Variants in CD109 observed in about 807,000 individuals in gnomAD.
CD109 encodes CD109 antigen.
CD109 carries 149 observed loss-of-function variants against 165.8 expected under a neutral mutation model. The ratio of observed to expected loss-of-function variants is 0.90; its 90% confidence interval spans 0.79 to 1.03. The LOEUF is 1.03. CD109 is among the 50% of genes least tolerant of loss of function. The pLI is 0.00. For missense variants in CD109, 1,712 were observed against 1,677.8 expected, an observed-to-expected ratio of 1.02 and a Z score of -0.36; for synonymous variants, 585 against 592.1, an observed-to-expected ratio of 0.99 and a Z score of 0.18.
At chr6:73,776,733 T>A (rs1469194238) in intron 15 of CD109, among the ~76,000 whole-genome samples, 1 of 151,510 alleles carries the variant, frequency 6.6e-6, no homozygotes, top group Non-Finnish European at 1.5e-5. Flanking sequence ...GATTTTTGTA[T>A]TTTAATAGAG....
chr6:73,812,341 T>C (rs965356142), intron 29 of CD109, 71 bp downstream of exon 29: 24 of 994,754 alleles, frequency 2.4e-5, no homozygotes, highest in Non-Finnish European at 3.2e-5. Flanking sequence ...TGGGGCTTTA[T>C]TAAATCTTAG....
intron 5 of CD109, among the ~76,000 whole-genome samples, chr6:73,750,483 A>G (rs1773148672): frequency 6.6e-6 from 1 of 152,198 alleles, no homozygotes; most frequent in South Asian, 2.1e-4. Context: ...GGCCTGAGAA[A>G]GGTGACAGGC....
chr6:73,755,504 G>A (rs1198060864), intron 5 of CD109, among the ~76,000 whole-genome samples: 2 of 152,088 alleles, frequency 1.3e-5, no homozygotes, highest in Non-Finnish European at 2.9e-5. Flanking sequence ...ATTAACCAAG[G>A]GTACTTGTTA....
intron 2 of CD109, among the ~76,000 whole-genome samples, chr6:73,720,509 C>T (rs770988805): frequency 9.2e-5 from 14 of 151,970 alleles, no homozygotes; most frequent in Non-Finnish European, 1.9e-4. Flanking sequence ...TTAATTGTTC[C>T]TTTCCACAAG....
chr6:73,763,080 C>G (rs924536739), intron 9 of CD109, among the ~76,000 whole-genome samples, 198 bp downstream of exon 9: 2 of 152,188 alleles, frequency 1.3e-5, no homozygotes, highest in African/African-American at 4.8e-5. Context: ...AAAGTCACTA[C>G]TTCAACCACA....
intron 4 of CD109, among the ~76,000 whole-genome samples, chr6:73,731,609 A>G (rs1772372482): frequency 6.6e-6 from 1 of 152,190 alleles, no homozygotes; most frequent in South Asian, 2.1e-4. Context: ...ACTTATGCTA[A>G]GTGAAGTGAG....
intron 23 of CD109, among the ~76,000 whole-genome samples, chr6:73,798,627 T>C (rs548921394): frequency 1.3e-5 from 2 of 152,262 alleles, no homozygotes; most frequent in African/African-American, 4.8e-5. Flanking sequence ...CTCGGTGTTA[T>C]CTAAGCCTGC....
In CD109 at chr6:73,823,757, C is replaced by T. The variant is rs1308946151; in HGVS notation, c.*124C>T. 1.2e-6 allele frequency: 1 copy of T among 852,544 alleles called. No individual in the cohort carries two copies. The highest frequency in any genetic ancestry group is 1.7e-5 in the African/African-American group (1 of 59,012). 52.8% of individuals were successfully genotyped at this position (852,544 alleles called of 1,614,324 possible). ...AGTTTTTTTTCTTTCTATGGGGTTGCAGGGATGGTGTACAACAGGTCCTAG... is the reference window on the plus strand; with the variant it reads ...AGTTTTTTTTCTTTCTATGGGGTTGTAGGGATGGTGTACAACAGGTCCTAG... On this transcript the variant is annotated 3_prime_UTR_variant, in exon 33 of 33. Transcript: ENST00000287097.
the CD109 span, among the ~76,000 whole-genome samples, chr6:73,681,324 T>TTGTGTGTG: frequency 0.044 from 6,451 of 145,596 alleles, 184 homozygotes; most frequent in South Asian, 0.093. Context: ...CAGTTACCAT[T>TTGTGTGTG]TGTGTGTGTG....
intron 3 of CD109, 38 bp from the exon 4 acceptor site, chr6:73,730,306 T>G: frequency 7.9e-7 from 1 of 1,258,202 alleles, no homozygotes. Flanking sequence ...TGAGGTAAAA[T>G]AATGAGACCT....
chr6:73,742,157 A>G (rs1225993725), intron 5 of CD109, among the ~76,000 whole-genome samples: 1 of 152,032 alleles, frequency 6.6e-6, no homozygotes, highest in East Asian at 1.9e-4. Flanking sequence ...ATCTACACCT[A>G]TTAAACAATA....
Position 73,785,495 on chromosome 6 carries a change from T to A in CD109, c.2337+18T>A, listed in dbSNP as rs1774653769. ...CCACTGAGGTAATGTATTCAAGCTTTTGTTGATCATTTACACTACAGGAGA... is the reference window on the plus strand; with the variant it reads ...CCACTGAGGTAATGTATTCAAGCTTATGTTGATCATTTACACTACAGGAGA... On this transcript the variant is annotated intron_variant, in intron 20 of 32. Transcript: ENST00000287097. 7.4e-7 allele frequency: 1 copy of A among 1,357,064 alleles called. No homozygotes were observed. The highest frequency in any genetic ancestry group is 1.0e-6 in the Non-Finnish European group (1 of 960,324). The allele number at this position is 1,357,064 out of a possible 1,614,324, so 84.1% of individuals were successfully genotyped here.
At chr6:73,732,977 G>T (rs1406314387) in intron 4 of CD109, among the ~76,000 whole-genome samples, 3 of 152,162 alleles carry the variant, frequency 2.0e-5, no homozygotes, top group Non-Finnish European at 4.4e-5. Flanking sequence ...TTGGAACTAT[G>T]AGTGAGGGGT....
At chr6:73,698,306 T>G (rs961196706) in intron 2 of CD109, among the ~76,000 whole-genome samples, 12 of 152,174 alleles carry the variant, frequency 7.9e-5, no homozygotes, top group African/African-American at 2.9e-4. Context: ...CTTAAAACAT[T>G]TTTCATTAAA....
intron 31 of CD109, among the ~76,000 whole-genome samples, chr6:73,819,282 T>C (rs1776035820): frequency 6.6e-6 from 1 of 152,242 alleles, no homozygotes; most frequent in South Asian, 2.1e-4. Flanking sequence ...ATAGAATTGT[T>C]ACATAACCTT....
intron 2 of CD109, among the ~76,000 whole-genome samples, chr6:73,701,461 G>A (rs1329333762): frequency 6.6e-6 from 1 of 152,154 alleles, no homozygotes; most frequent in Non-Finnish European, 1.5e-5. Flanking sequence ...TGGAGAGTGA[G>A]TCTGTCCCTT....
chr6:73,701,867 G>GCC (rs1197541063), intron 2 of CD109, among the ~76,000 whole-genome samples: 1 of 152,122 alleles, frequency 6.6e-6, no homozygotes, highest in Non-Finnish European at 1.5e-5. Flanking sequence ...GATTGCTTGA[G>GCC]CCCAGGAGTT....
At chr6:73,802,996 G>A (rs1562078808) in intron 23 of CD109, among the ~76,000 whole-genome samples, 3 of 151,976 alleles carry the variant, frequency 2.0e-5, no homozygotes, top group African/African-American at 2.4e-5. Flanking sequence ...CACTGCACCC[G>A]GCTGGGATAT....
In CD109 at chr6:73,697,575, A is replaced by G; in HGVS notation, c.247+3A>G. Reference sequence around the variant, plus strand: ...AGCAGAAGGAGTCTTTGAAAAAGGTAAGATAAACAGCATAAAGTCTTACCC... The same window carrying G: ...AGCAGAAGGAGTCTTTGAAAAAGGTGAGATAAACAGCATAAAGTCTTACCC... On this transcript the variant is annotated splice_donor_region_variant and intron_variant, in intron 2 of 32. Coordinates refer to ENST00000287097, the MANE Select transcript of CD109 (RefSeq NM_133493.5). 2 of 1,612,756 alleles carry G rather than the reference A, an allele frequency of 1.2e-6. No homozygotes were observed. The highest frequency in any genetic ancestry group is 1.7e-6 in the Non-Finnish European group (2 of 1,178,952).
Sources: allele counts gnomAD v4.1 joint callset (sites outside exome capture counted in the v4.1 genomes callset), GRCh38; gene constraint gnomAD v4.1.1; transcripts MANE v1.5; gene names NCBI Gene and HGNC (gene_info 2026-07-23, HGNC 2026-07-21).